ADK: variants seen among roughly 807,000 people sequenced by gnomAD.
ADK encodes the protein N6,N6-dimethyladenosine kinase.
A neutral mutation model predicts 44.7 loss-of-function variants in ADK; 24 were observed. The ratio of observed to expected loss-of-function variants is 0.54; its 90% CI spans 0.39 to 0.76. The LOEUF is 0.76. ADK is among the 30% of genes least tolerant of loss of function. ADK has a pLI of 0.00. For synonymous variants in ADK, 128 were observed against 142.6 expected (o/e 0.90, Z 0.73); for missense variants, 321 against 425.1 (o/e 0.76, Z 2.15).
chr10:74,453,756 A>G (rs533066094), intron 6 of ADK, among the ~76,000 whole-genome samples: 1 of 152,190 alleles, frequency 6.6e-6, no homozygotes, highest in East Asian at 1.9e-4. Context: ...ATAGCTTAAT[A>G]TTTTAATTAC....
At chr10:74,317,658 G>T (rs1456065218) in intron 4 of ADK, among the ~76,000 whole-genome samples, 1 of 152,030 alleles carries the variant, frequency 6.6e-6, no homozygotes, top group Non-Finnish European at 1.5e-5. Context: ...ATGCCCTGCA[G>T]TACAATATTA....
chr10:74,628,057 A>G (rs1853279221), intron 9 of ADK, among the ~76,000 whole-genome samples: 1 of 152,184 alleles, frequency 6.6e-6, no homozygotes, highest in Admixed American at 6.5e-5. Flanking sequence ...GACAGGTGAT[A>G]TTAAGAACCC....
intron 6 of ADK, among the ~76,000 whole-genome samples, chr10:74,460,015 G>A (rs1258414525): frequency 1.3e-5 from 2 of 152,022 alleles, no homozygotes; most frequent in African/African-American, 4.8e-5. Flanking sequence ...TAAGAAGTAG[G>A]AGCCATTATA....
chr10:74,181,373 C>G (rs1210901511), intron 1 of ADK, among the ~76,000 whole-genome samples: 1 of 152,022 alleles, frequency 6.6e-6, no homozygotes, highest in East Asian at 1.9e-4. Context: ...TACTTAATTA[C>G]TGATTAAGAG....
At chr10:74,411,530 A>G (rs1481214784) in intron 6 of ADK, among the ~76,000 whole-genome samples, 2 of 152,220 alleles carry the variant, frequency 1.3e-5, no homozygotes, top group Admixed American at 1.3e-4. Flanking sequence ...AAAAATAAAC[A>G]TACTTTAATT....
chr10:74,357,910 T>C (rs1842200458), intron 4 of ADK, among the ~76,000 whole-genome samples: 2 of 152,204 alleles, frequency 1.3e-5, no homozygotes, highest in Admixed American at 1.3e-4. Flanking sequence ...AGAGTTTGTG[T>C]ATATACATAC....
At chr10:74,361,091 A>G (rs1842321783) in intron 4 of ADK, among the ~76,000 whole-genome samples, 1 of 152,162 alleles carries the variant, frequency 6.6e-6, no homozygotes. Flanking sequence ...TATTTTTAGT[A>G]GAGACGGTTT....
At chr10:74,296,882 G>A (rs559516953) in intron 3 of ADK, among the ~76,000 whole-genome samples, 1 of 152,172 alleles carries the variant, frequency 6.6e-6, no homozygotes, top group African/African-American at 2.4e-5. Flanking sequence ...CCAAAGTGCT[G>A]GGATTACAGG....
intron 9 of ADK, among the ~76,000 whole-genome samples, chr10:74,633,454 A>G (rs1485212656): frequency 6.6e-6 from 1 of 152,206 alleles, no homozygotes; most frequent in Non-Finnish European, 1.5e-5. Context: ...AAACAACCCC[A>G]AAGGTCCATA....
chr10:74,410,422 C>G (rs1844129191), intron 6 of ADK, among the ~76,000 whole-genome samples: 1 of 152,026 alleles, frequency 6.6e-6, no homozygotes, highest in African/African-American at 2.4e-5. Context: ...GCCTGAAATT[C>G]CAGCCCTTCG....
intron 4 of ADK, among the ~76,000 whole-genome samples, chr10:74,326,592 C>G (rs1160203704): frequency 6.6e-6 from 1 of 152,086 alleles, no homozygotes; most frequent in Non-Finnish European, 1.5e-5. Context: ...GCCTGGGCAA[C>G]AGAGCAAGAC....
intron 6 of ADK, among the ~76,000 whole-genome samples, chr10:74,404,125 G>A (rs1040632090): frequency 2.0e-5 from 3 of 151,314 alleles, no homozygotes; most frequent in Non-Finnish European, 4.4e-5. Flanking sequence ...ACACGCTTTG[G>A]CCTCCCAAAG....
At chr10:74,379,408 A>G (rs1224951465) in intron 4 of ADK, among the ~76,000 whole-genome samples, 1 of 152,228 alleles carries the variant, frequency 6.6e-6, no homozygotes, top group East Asian at 1.9e-4. Flanking sequence ...AGTTATACAC[A>G]GTAGCAAAAA....
At chr10:74,443,041 T>C (rs1035131410) in intron 6 of ADK, among the ~76,000 whole-genome samples, 1 of 152,062 alleles carries the variant, frequency 6.6e-6, no homozygotes, top group African/African-American at 2.4e-5. Context: ...ATTTTGGTCG[T>C]GGGGTGTAAA....
intron 7 of ADK, among the ~76,000 whole-genome samples, chr10:74,560,830 C>G (rs1388490882): frequency 6.6e-6 from 1 of 152,036 alleles, no homozygotes; most frequent in African/African-American, 2.4e-5. Flanking sequence ...TATTGGGTAC[C>G]TGTTTTTATT....
chr10:74,498,381 AC>A, intron 6 of ADK, among the ~76,000 whole-genome samples: 1 of 152,332 alleles, frequency 6.6e-6, no homozygotes, highest in East Asian at 1.9e-4. Context: ...TGGAATTCAT[AC>A]CAAATAAGAA....
intron 6 of ADK, among the ~76,000 whole-genome samples, chr10:74,460,179 A>T (rs1050794688): frequency 6.6e-6 from 1 of 152,222 alleles, no homozygotes; most frequent in African/African-American, 2.4e-5. Flanking sequence ...TTTGAGCGTT[A>T]TTCTCCCAAT....
At chr10:74,693,559 A>G (rs1443163967) in intron 10 of ADK, among the ~76,000 whole-genome samples, 1 of 149,862 alleles carries the variant, frequency 6.7e-6, no homozygotes, top group African/African-American at 2.5e-5. Flanking sequence ...ATCCTTCTTA[A>G]TTCTGTTAGG....
intron 9 of ADK, among the ~76,000 whole-genome samples, chr10:74,665,121 A>G (rs990540992): frequency 6.6e-6 from 1 of 152,202 alleles, no homozygotes; most frequent in Non-Finnish European, 1.5e-5. Context: ...GGGAGGAATG[A>G]TCAACTAAAT....
Sources: allele counts gnomAD v4.1 joint callset (sites outside exome capture counted in the v4.1 genomes callset), GRCh38; gene constraint gnomAD v4.1.1; transcripts MANE v1.5; gene names NCBI Gene and HGNC (gene_info 2026-07-23, HGNC 2026-07-21).